ZNF385B: variants seen among roughly 807,000 people sequenced by gnomAD.
ZNF385B encodes zinc finger protein 533.
In ZNF385B, 23 loss-of-function variants were observed where a neutral mutation model predicts 39.2. The observed-to-expected ratio is 0.59, with a 90% CI of 0.42 to 0.83. The LOEUF (loss-of-function observed/expected upper bound fraction) is 0.83. Among genes scored for constraint, ZNF385B ranks in the 40% least tolerant of loss-of-function variants. ZNF385B has a pLI of 0.00. For missense variants in ZNF385B, 552 were observed against 598.9 expected, an observed-to-expected ratio of 0.92 and a Z score of 0.82; for synonymous variants, 205 against 222.6, an observed-to-expected ratio of 0.92 and a Z score of 0.70.
intron 6 of ZNF385B, among the ~76,000 whole-genome samples, chr2:179,480,012 T>C (rs940707332): frequency 6.6e-6 from 1 of 152,200 alleles, no homozygotes; most frequent in African/African-American, 2.4e-5. Flanking sequence ...AAAACTCTGC[T>C]GCTCAGCTAC....
chr2:179,522,216 G>T (rs1275106918), intron 4 of ZNF385B, among the ~76,000 whole-genome samples: 2 of 152,092 alleles, frequency 1.3e-5, no homozygotes, highest in Non-Finnish European at 2.9e-5. Flanking sequence ...AATGAAGAGG[G>T]CTTTCAGATA....
rs552969897 is a variant in ZNF385B, at chr2:179,500,227, T to C, written c.553-16793A>G. 3.3e-5 allele frequency among the ~76,000 whole-genome samples: 5 copies of C among 152,076 alleles called. No homozygotes were observed. In the South Asian group the frequency reaches 6.2e-4, roughly 19 times the overall value. Reference sequence around the variant, plus strand: ...CTACCCAAAGCAATCTACAGATTCATTGCAATCACATTTTTCACAGAAATA... The same window carrying C: ...CTACCCAAAGCAATCTACAGATTCACTGCAATCACATTTTTCACAGAAATA... On this transcript the variant is annotated intron_variant, in intron 5 of 9. Coordinates refer to ENST00000410066, the MANE Select transcript of ZNF385B (RefSeq NM_152520.6).
At chr2:179,722,106 A>G (rs1325606458) in intron 3 of ZNF385B, among the ~76,000 whole-genome samples, 2 of 152,152 alleles carry the variant, frequency 1.3e-5, no homozygotes, top group Non-Finnish European at 2.9e-5. Flanking sequence ...TATCACTTAA[A>G]ATAGCAGCAG....
chr2:179,854,478 G>A (rs543840942), intron 1 of ZNF385B, among the ~76,000 whole-genome samples: 6 of 146,954 alleles, frequency 4.1e-5, no homozygotes, highest in Admixed American at 1.4e-4. Context: ...AAAAAAAAAA[G>A]GCAAAAACTG....
intron 5 of ZNF385B, among the ~76,000 whole-genome samples, chr2:179,506,938 A>G (rs1471335432): frequency 1.3e-5 from 2 of 152,158 alleles, no homozygotes; most frequent in Non-Finnish European, 2.9e-5. Flanking sequence ...AATGAGTTGA[A>G]TCATATTCTC....
At chr2:179,471,567 T>C (rs913786886) in intron 6 of ZNF385B, among the ~76,000 whole-genome samples, 1 of 152,252 alleles carries the variant, frequency 6.6e-6, no homozygotes, top group African/African-American at 2.4e-5. Flanking sequence ...ACAAATCAGA[T>C]ATTCTCATCA....
intron 3 of ZNF385B, among the ~76,000 whole-genome samples, chr2:179,554,564 G>A (rs780802378): frequency 2.7e-5 from 4 of 148,904 alleles, no homozygotes; most frequent in Non-Finnish European, 5.9e-5. Context: ...CTAAGCGAAG[G>A]TCTCTTAAAC....
chr2:179,612,171 G>T (rs1445924150), intron 3 of ZNF385B, among the ~76,000 whole-genome samples: 1 of 151,976 alleles, frequency 6.6e-6, no homozygotes, highest in East Asian at 1.9e-4. Context: ...GCTATTTTTA[G>T]TTCTCTGTCT....
intron 3 of ZNF385B, among the ~76,000 whole-genome samples, chr2:179,565,452 C>T (rs766465943): frequency 2.0e-4 from 30 of 152,300 alleles, no homozygotes; most frequent in Non-Finnish European, 3.1e-4. Context: ...ATTCAAATGC[C>T]GCAGTTCAGC....
At chr2:179,531,401 C>T (rs1335434509) in intron 4 of ZNF385B, among the ~76,000 whole-genome samples, 1 of 151,934 alleles carries the variant, frequency 6.6e-6, no homozygotes, top group Admixed American at 6.6e-5. Flanking sequence ...TTTGGGAGAC[C>T]GAGGTGGGAG....
chr2:179,841,978 C>A lies in ZNF385B; in HGVS notation c.-155+19123G>T, dbSNP rs552996023. On this transcript the variant is annotated intron_variant, in intron 1 of 9. Transcript: ENST00000410066. ...CTAAATTACTTAAGAACACAGATACCAGAGCATACTGGAAGCCAGGCTGCC... is the reference window on the plus strand; with the variant it reads ...CTAAATTACTTAAGAACACAGATACAAGAGCATACTGGAAGCCAGGCTGCC... 5.9e-5 allele frequency among the ~76,000 whole-genome samples: 9 copies of A among 152,260 alleles called. No individual in the cohort carries two copies. In the East Asian group the frequency reaches 1.4e-3, roughly 23 times the overall value.
At chr2:179,844,564 G>C (rs1003705762) in intron 1 of ZNF385B, among the ~76,000 whole-genome samples, 1 of 152,054 alleles carries the variant, frequency 6.6e-6, no homozygotes, top group Non-Finnish European at 1.5e-5. Context: ...ACTTCAGCAA[G>C]ATTTAAAATT....
chr2:179,460,453 T>C (rs780077535), intron 6 of ZNF385B, among the ~76,000 whole-genome samples: 4 of 152,114 alleles, frequency 2.6e-5, no homozygotes, highest in East Asian at 1.9e-4. Flanking sequence ...GGTGATAAGA[T>C]TAAGAGTATT....
intron 5 of ZNF385B, chr2:179,514,219 T>G (rs2057913421): frequency 6.5e-6 from 1 of 152,674 alleles, no homozygotes; most frequent in Non-Finnish European, 1.5e-5. Context: ...GTTGCCCACA[T>G]TCCTTGGCTT....
chr2:179,717,849 T>C (rs16866942), intron 3 of ZNF385B, among the ~76,000 whole-genome samples: 22,510 of 152,204 alleles, frequency 0.15, 2,108 homozygotes, highest in East Asian at 0.5. Context: ...GCATAGGACA[T>C]CATATATAAT....
At chr2:179,802,281 T>G (rs1029825717) in intron 1 of ZNF385B, among the ~76,000 whole-genome samples, 16 of 152,128 alleles carry the variant, frequency 1.1e-4, no homozygotes, top group African/African-American at 3.6e-4. Context: ...TTCGTTTATG[T>G]AATTCATCAT....
At chr2:179,750,766 C>G (rs571370046) in intron 3 of ZNF385B, among the ~76,000 whole-genome samples, 4 of 152,180 alleles carry the variant, frequency 2.6e-5, no homozygotes, top group South Asian at 2.1e-4. Context: ...TTTAACCCAC[C>G]TACCTCACAC....
intron 3 of ZNF385B, among the ~76,000 whole-genome samples, chr2:179,577,338 G>C (rs992728364): frequency 1.3e-4 from 20 of 152,086 alleles, no homozygotes; most frequent in Non-Finnish European, 2.1e-4. Flanking sequence ...GAACTCATTA[G>C]AGAATACTTG....
chr2:179,760,223 C>CGTGCGTGCGT (rs1553525684), intron 3 of ZNF385B, among the ~76,000 whole-genome samples: 38 of 144,550 alleles, frequency 2.6e-4, no homozygotes, highest in African/African-American at 8.7e-4. Context: ...TTCCTGTGTG[C>CGTGCGTGCGT]GTGTGTGTGT....
Sources: allele counts gnomAD v4.1 joint callset (sites outside exome capture counted in the v4.1 genomes callset), GRCh38; gene constraint gnomAD v4.1.1; transcripts MANE v1.5; gene names NCBI Gene and HGNC (gene_info 2026-07-23, HGNC 2026-07-21).